The following CCDC85A variants were observed in gnomAD, a reference collection of about 807,000 sequenced individuals.
CCDC85A encodes the protein coiled-coil domain containing 85A.
Under a neutral mutation model 50.2 loss-of-function variants are expected in CCDC85A, and 38 were observed. The observed-to-expected ratio is 0.76, with a 90% CI of 0.58 to 0.99. The LOEUF is 0.99. Ranked by LOEUF, CCDC85A falls within the 50% of genes least tolerant of loss-of-function variation. The probability of loss-of-function intolerance (pLI) is 0.00; values close to 1 mark genes in which losing one functional copy is unlikely to be tolerated. For missense variants in CCDC85A, 820 were observed against 742.0 expected (o/e 1.11, Z -1.22); for synonymous variants, 366 against 301.4 (o/e 1.21, Z -2.22).
At chr2:56,233,271 CAG>C (rs150964339) in intron 2 of CCDC85A, among the ~76,000 whole-genome samples, 7,308 of 152,238 alleles carry the variant, frequency 0.048, 538 homozygotes, top group African/African-American at 0.16. Flanking sequence ...AATTACATAA[CAG>C]GGGACTGAGG....
chr2:56,199,087 A>T (rs188581480), intron 2 of CCDC85A, among the ~76,000 whole-genome samples: 1 of 152,240 alleles, frequency 6.6e-6, no homozygotes, highest in Non-Finnish European at 1.5e-5. Context: ...CCATTGAATT[A>T]GTGATGCATG....
chr2:56,196,878 C>T (rs1040031792), intron 2 of CCDC85A, among the ~76,000 whole-genome samples: 4 of 110,982 alleles, frequency 3.6e-5, no homozygotes, highest in African/African-American at 9.7e-5. Flanking sequence ...CTTTCTTCTT[C>T]GTCTTCAAAA....
chr2:56,354,517 G>A (rs1675123392), intron 3 of CCDC85A, among the ~76,000 whole-genome samples: 1 of 152,206 alleles, frequency 6.6e-6, no homozygotes, highest in African/African-American at 2.4e-5. Flanking sequence ...ACTAAGAAGT[G>A]GATGAGGCCT....
At chr2:56,300,912 A>G (rs1425552799) in intron 2 of CCDC85A, among the ~76,000 whole-genome samples, 2 of 152,142 alleles carry the variant, frequency 1.3e-5, no homozygotes, top group Non-Finnish European at 2.9e-5. Flanking sequence ...ATTTAATCAT[A>G]TTTATTTTTC....
intron 3 of CCDC85A, among the ~76,000 whole-genome samples, chr2:56,352,126 C>G (rs945879293): frequency 2.0e-5 from 3 of 152,000 alleles, no homozygotes; most frequent in African/African-American, 7.3e-5. Context: ...TTTCCTGTAG[C>G]CTGAGGAAAG....
chr2:56,310,157 A>C (rs1672625116), intron 2 of CCDC85A, among the ~76,000 whole-genome samples: 1 of 152,076 alleles, frequency 6.6e-6, no homozygotes, highest in Non-Finnish European at 1.5e-5. Flanking sequence ...TTTAACCTAC[A>C]CTTAGAGTTT....
chr2:56,382,680 G>T (rs1300749639), intron 5 of CCDC85A, among the ~76,000 whole-genome samples: 1 of 151,914 alleles, frequency 6.6e-6, no homozygotes, highest in African/African-American at 2.4e-5. Context: ...TGTATTGTTG[G>T]TTTATTGCAA....
At chr2:56,368,073 T>G (rs1240012865) in intron 3 of CCDC85A, among the ~76,000 whole-genome samples, 1 of 152,174 alleles carries the variant, frequency 6.6e-6, no homozygotes, top group Non-Finnish European at 1.5e-5. Flanking sequence ...CAACAAAAAT[T>G]CGTTGGAATA....
At chr2:56,258,970 A>C (rs139991561) in intron 2 of CCDC85A, among the ~76,000 whole-genome samples, 310 of 152,302 alleles carry the variant, frequency 2.0e-3, no homozygotes, top group African/African-American at 7.2e-3. Context: ...TAATTGCTGA[A>C]GGTCGGGTGA....
chr2:56,229,815 C>T (rs908313474), intron 2 of CCDC85A, among the ~76,000 whole-genome samples: 13 of 152,196 alleles, frequency 8.5e-5, no homozygotes, highest in East Asian at 1.9e-4. Context: ...GAGCCTACCC[C>T]GTGTTTTGTC....
At chr2:56,297,807 A>G (rs1672022644) in intron 2 of CCDC85A, among the ~76,000 whole-genome samples, 1 of 152,156 alleles carries the variant, frequency 6.6e-6, no homozygotes, top group Non-Finnish European at 1.5e-5. Context: ...ATTCTTTTTC[A>G]GGCCATTTGG....
chr2:56,372,576 T>TC, intron 4 of CCDC85A, 98 bp downstream of exon 4: 1 of 1,286,850 alleles, frequency 7.8e-7, no homozygotes, highest in African/African-American at 1.5e-5. Context: ...GAAAACAAGT[T>TC]CATACACATG....
intron 2 of CCDC85A, among the ~76,000 whole-genome samples, chr2:56,207,204 T>A (rs892752173): frequency 6.6e-6 from 1 of 152,200 alleles, no homozygotes; most frequent in African/African-American, 2.4e-5. Context: ...TTATGTTCTA[T>A]CTAAATCTCA....
chr2:56,262,258 A>G (rs1184353971), intron 2 of CCDC85A, among the ~76,000 whole-genome samples: 1 of 152,024 alleles, frequency 6.6e-6, no homozygotes, highest in African/African-American at 2.4e-5. Flanking sequence ...AATTATTCTG[A>G]ATTTATTATT....
intron 1 of CCDC85A, among the ~76,000 whole-genome samples, chr2:56,190,328 T>A (rs6707108): frequency 6.6e-6 from 1 of 152,108 alleles, no homozygotes; most frequent in Non-Finnish European, 1.5e-5. Flanking sequence ...CTTGACTGTA[T>A]GCATAAATGG....
chr2:56,383,858 A>G (rs764644880), intron 5 of CCDC85A: 2 of 614,982 alleles, frequency 3.3e-6, no homozygotes, highest in Non-Finnish European at 4.1e-6. Context: ...CTGGCTACAC[A>G]TTAGAATTAC....
At chr2:56,285,985 T>C (rs1671425867) in intron 2 of CCDC85A, among the ~76,000 whole-genome samples, 1 of 152,150 alleles carries the variant, frequency 6.6e-6, no homozygotes, top group Non-Finnish European at 1.5e-5. Flanking sequence ...TTATTGGGTA[T>C]AGAATTTTGG....
chr2:56,194,129 T>G (rs1249112261), intron 2 of CCDC85A, among the ~76,000 whole-genome samples: 6 of 152,204 alleles, frequency 3.9e-5, no homozygotes, highest in Non-Finnish European at 7.3e-5. Context: ...ATATTCCAAA[T>G]AATATGCTGT....
At chr2:56,355,158 C>G (rs1297437524) in intron 3 of CCDC85A, among the ~76,000 whole-genome samples, 1 of 152,186 alleles carries the variant, frequency 6.6e-6, no homozygotes, top group Non-Finnish European at 1.5e-5. Flanking sequence ...CCCCACGGCT[C>G]CTAGGATTGG....
Sources: gnomAD v4.1 joint callset for allele counts (sites outside exome capture counted in the v4.1 genomes callset) on GRCh38, gnomAD v4.1.1 for gene constraint, MANE v1.5 for transcripts, NCBI Gene and HGNC (gene_info 2026-07-23, HGNC 2026-07-21) for gene names.